Variants in CNTNAP2 observed in about 807,000 individuals in gnomAD.
CNTNAP2 encodes the protein contactin-associated protein-like 2.
A neutral mutation model predicts 155.2 loss-of-function variants in CNTNAP2; 98 were observed. The observed-to-expected ratio is 0.63, with a 90% CI of 0.54 to 0.75. The LOEUF (loss-of-function observed/expected upper bound fraction) is 0.75. CNTNAP2 is among the 30% of genes least tolerant of loss of function. The pLI is 0.00. For missense variants in CNTNAP2, 1,727 were observed against 1,688.1 expected (o/e 1.02, Z -0.40); for synonymous variants, 651 against 631.2 (o/e 1.03, Z -0.47).
rs148995223 is a variant in CNTNAP2 at position 147,989,398 on chromosome 7, T to C, written c.2383+11409T>C. Among the ~76,000 whole-genome samples the C allele has an allele frequency of 1.1e-4, 16 of 152,332 alleles. No homozygotes were observed. The East Asian group carries it at 2.7e-3, about 26-fold the overall frequency. ...TTACCTCAGCTGCAAATGAGAATAA[T>C]TGTAACATCACTGAGTTTGCTCCAG... On this transcript the variant is annotated intron_variant, in intron 15 of 23. Transcript: ENST00000361727.
intron 1 of CNTNAP2, among the ~76,000 whole-genome samples, chr7:146,528,103 C>A (rs754661445): frequency 1.3e-5 from 2 of 152,106 alleles, no homozygotes; most frequent in Non-Finnish European, 2.9e-5. Context: ...TCTTAGGGCA[C>A]TGAAAGTCCT....
chr7:147,613,727 C>T (rs1261749475), intron 12 of CNTNAP2, among the ~76,000 whole-genome samples: 1 of 152,046 alleles, frequency 6.6e-6, no homozygotes, highest in African/African-American at 2.4e-5. Context: ...CCCATAATCC[C>T]AGCTACTTGG....
intron 3 of CNTNAP2, among the ~76,000 whole-genome samples, chr7:146,910,891 T>G (rs1390890461): frequency 6.6e-6 from 1 of 150,816 alleles, no homozygotes; most frequent in Non-Finnish European, 1.5e-5. Flanking sequence ...GGAGAAAATT[T>G]TCGCAACCTA....
At chr7:146,328,996 G>A (rs535966768) in intron 1 of CNTNAP2, among the ~76,000 whole-genome samples, 17 of 152,312 alleles carry the variant, frequency 1.1e-4, no homozygotes, top group African/African-American at 3.8e-4. Context: ...GTGAACATGA[G>A]AGTGCAAATA....
chr7:146,966,520 C>A (rs530294657), intron 3 of CNTNAP2, among the ~76,000 whole-genome samples: 1 of 152,288 alleles, frequency 6.6e-6, no homozygotes, highest in South Asian at 2.1e-4. Flanking sequence ...ATCTGGCCTC[C>A]ATTTAGGGCT....
intron 10 of CNTNAP2, among the ~76,000 whole-genome samples, chr7:147,441,846 T>TCTCTCTCTCTCC (rs1797644002): frequency 8.5e-6 from 1 of 117,044 alleles, no homozygotes; most frequent in Admixed American, 8.6e-5. Flanking sequence ...TCTCTCTCTC[T>TCTCTCTCTCTCC]CTCTCCCTCC....
chr7:146,786,721 A>G (rs1354409578), intron 2 of CNTNAP2: 2 of 152,222 alleles, frequency 1.3e-5, no homozygotes, highest in Non-Finnish European at 2.9e-5. Context: ...TTTTCACCCA[A>G]AGGTCATTTT....
intron 1 of CNTNAP2, among the ~76,000 whole-genome samples, chr7:146,286,393 G>A (rs978790864): frequency 1.8e-4 from 28 of 152,166 alleles, no homozygotes; most frequent in Admixed American, 1.4e-3. Flanking sequence ...AAGCTAGACA[G>A]TGGTAAATTC....
chr7:148,358,194 C>G (rs1211578039), intron 21 of CNTNAP2, among the ~76,000 whole-genome samples: 1 of 152,132 alleles, frequency 6.6e-6, no homozygotes, highest in Non-Finnish European at 1.5e-5. Flanking sequence ...CTGGGAGAAG[C>G]AGGGTGGGTC....
chr7:146,993,398 A>G (rs543359213), intron 3 of CNTNAP2, among the ~76,000 whole-genome samples: 48 of 152,290 alleles, frequency 3.2e-4, no homozygotes, highest in Non-Finnish European at 5.7e-4. Context: ...AAGGTCATAT[A>G]ACAAGTAAAC....
At chr7:146,796,411 G>T (rs2129190365) in intron 2 of CNTNAP2, among the ~76,000 whole-genome samples, 1 of 152,258 alleles carries the variant, frequency 6.6e-6, no homozygotes, top group South Asian at 2.1e-4. Context: ...TAAAATTGGG[G>T]TTTTGATTGG....
At chr7:148,202,626 G>A (rs1795386056) in intron 18 of CNTNAP2, among the ~76,000 whole-genome samples, 1 of 152,140 alleles carries the variant, frequency 6.6e-6, no homozygotes, top group African/African-American at 2.4e-5. Flanking sequence ...TGCTGATACA[G>A]GGAAAAAATA....
intron 9 of CNTNAP2, among the ~76,000 whole-genome samples, chr7:147,355,163 C>G (rs937450202): frequency 6.6e-6 from 1 of 151,798 alleles, no homozygotes; most frequent in Non-Finnish European, 1.5e-5. Flanking sequence ...AACCCGTATA[C>G]TTGAGGGACG....
chr7:147,203,203 AT>A (rs943903368), intron 8 of CNTNAP2, among the ~76,000 whole-genome samples: 27 of 152,132 alleles, frequency 1.8e-4, no homozygotes, highest in African/African-American at 6.0e-4. Flanking sequence ...TCTGATTAAA[AT>A]TTTTTGTAAC....
chr7:148,200,407 C>CTT (rs77795969), intron 18 of CNTNAP2, among the ~76,000 whole-genome samples: 4 of 145,246 alleles, frequency 2.8e-5, no homozygotes, highest in African/African-American at 7.5e-5. Context: ...CTTTCTCTCT[C>CTT]TTTTTTTTTT....
intron 13 of CNTNAP2, among the ~76,000 whole-genome samples, chr7:147,777,181 G>T (rs1797597302): frequency 6.6e-6 from 1 of 152,088 alleles, no homozygotes; most frequent in Admixed American, 6.5e-5. Context: ...TGGAGGAGGA[G>T]AAGACAAAAT....
intron 14 of CNTNAP2, among the ~76,000 whole-genome samples, chr7:147,915,259 C>T (rs941884669): frequency 1.3e-5 from 2 of 149,434 alleles, no homozygotes; most frequent in East Asian, 2.0e-4. Flanking sequence ...AGGATTCCTC[C>T]GCTCAGCGGG....
intron 1 of CNTNAP2, chr7:146,311,860 G>A (rs1021675907): frequency 9.9e-5 from 15 of 151,332 alleles, no homozygotes; most frequent in African/African-American, 3.6e-4. Context: ...AAGGAAAGTA[G>A]AACATACAAA....
chr7:146,715,932 A>G (rs1416301492), intron 1 of CNTNAP2, among the ~76,000 whole-genome samples: 2 of 152,092 alleles, frequency 1.3e-5, no homozygotes, highest in Non-Finnish European at 2.9e-5. Context: ...ACTGCTCCTA[A>G]TAATGCCTAA....
Sources: gnomAD v4.1 joint callset for allele counts (sites outside exome capture counted in the v4.1 genomes callset) on GRCh38, gnomAD v4.1.1 for gene constraint, MANE v1.5 for transcripts, NCBI Gene and HGNC (gene_info 2026-07-23, HGNC 2026-07-21) for gene names.